The following CCDC171 variants were observed in gnomAD, a reference collection of about 807,000 sequenced individuals.
CCDC171 encodes the protein coiled-coil domain-containing protein 171.
CCDC171 carries 177 observed loss-of-function variants against 168.2 expected under a neutral mutation model. The ratio of observed to expected loss-of-function variants is 1.05; its 90% CI spans 0.93 to 1.19. The LOEUF (loss-of-function observed/expected upper bound fraction) is 1.19. CCDC171 is among the 50% of genes most tolerant of loss of function. CCDC171 has a pLI of 0.00. For synonymous variants in CCDC171, 687 were observed against 540.8 expected (o/e 1.27, Z -3.75); for missense variants, 1,991 against 1,539.0 (o/e 1.29, Z -4.91).
chr9:15,630,630 T>C (rs1247403889), intron 7 of CCDC171, among the ~76,000 whole-genome samples: 3 of 152,068 alleles, frequency 2.0e-5, no homozygotes, highest in Admixed American at 6.6e-5. Flanking sequence ...GACAGAAAGT[T>C]AACAAGGATA....
At chr9:15,570,377 C>CA (rs1389131832) in intron 2 of CCDC171, among the ~76,000 whole-genome samples, 1 of 151,248 alleles carries the variant, frequency 6.6e-6, no homozygotes, top group Non-Finnish European at 1.5e-5. Flanking sequence ...TTTTAGTAGA[C>CA]AATGTTAGTT....
chr9:15,707,205 T>G (rs2052312310), intron 11 of CCDC171, among the ~76,000 whole-genome samples: 2 of 152,176 alleles, frequency 1.3e-5, no homozygotes, highest in South Asian at 4.1e-4. Flanking sequence ...CAAACCAAAC[T>G]TGCCGCACTT....
At chr9:15,918,518 C>T (rs1313716271) in intron 24 of CCDC171, among the ~76,000 whole-genome samples, 3 of 151,078 alleles carry the variant, frequency 2.0e-5, no homozygotes, top group African/African-American at 4.9e-5. Context: ...AGAGACTTGA[C>T]ATAGGAAAAA....
chr9:15,834,044 A>G (rs1165515182), intron 21 of CCDC171, among the ~76,000 whole-genome samples: 1 of 152,188 alleles, frequency 6.6e-6, no homozygotes, highest in Non-Finnish European at 1.5e-5. Flanking sequence ...AAGGTTAACT[A>G]TGAAAATACT....
chr9:15,870,094 G>A (rs1321230031), intron 23 of CCDC171, among the ~76,000 whole-genome samples: 2 of 146,658 alleles, frequency 1.4e-5, no homozygotes, highest in Non-Finnish European at 3.0e-5. Flanking sequence ...GTAAATGAAT[G>A]GGTATAACTC....
chr9:15,632,371 C>A (rs917139540), intron 7 of CCDC171, among the ~76,000 whole-genome samples: 16 of 151,874 alleles, frequency 1.1e-4, no homozygotes, highest in South Asian at 2.1e-4. Flanking sequence ...TTCTTATACA[C>A]CAATAACAGA....
chr9:15,656,022 T>C (rs1275831634), intron 7 of CCDC171, among the ~76,000 whole-genome samples: 1 of 152,150 alleles, frequency 6.6e-6, no homozygotes, highest in Non-Finnish European at 1.5e-5. Context: ...TGTGGCAGTT[T>C]CATAATATTC....
intron 11 of CCDC171, among the ~76,000 whole-genome samples, chr9:15,710,116 T>C (rs1202469162): frequency 6.6e-6 from 1 of 152,140 alleles, no homozygotes; most frequent in Non-Finnish European, 1.5e-5. Context: ...ATGAAGTCTT[T>C]TAAAAATATA....
At chr9:15,739,918 T>C (rs1342996321) in intron 16 of CCDC171, among the ~76,000 whole-genome samples, 1 of 152,072 alleles carries the variant, frequency 6.6e-6, no homozygotes, top group Non-Finnish European at 1.5e-5. Flanking sequence ...TTTGTATTTT[T>C]AGTAGAGATG....
At chr9:15,665,410 T>C (rs920806471) in intron 8 of CCDC171, among the ~76,000 whole-genome samples, 2 of 152,236 alleles carry the variant, frequency 1.3e-5, no homozygotes, top group Non-Finnish European at 2.9e-5. Context: ...TAAAAAGATC[T>C]GTTAAATTTC....
intron 16 of CCDC171, among the ~76,000 whole-genome samples, chr9:15,731,966 A>G (rs2054178853): frequency 6.6e-6 from 1 of 152,038 alleles, no homozygotes. Context: ...CACCTTTCAT[A>G]TACTTATTGG....
chr9:15,768,798 A>T (rs1459032825), intron 18 of CCDC171, among the ~76,000 whole-genome samples: 1 of 152,152 alleles, frequency 6.6e-6, no homozygotes, highest in African/African-American at 2.4e-5. Flanking sequence ...ATATCATTTC[A>T]TGGGGTTATA....
intron 21 of CCDC171, among the ~76,000 whole-genome samples, chr9:15,831,722 G>A (rs1298259962): frequency 1.3e-5 from 2 of 152,036 alleles, no homozygotes; most frequent in East Asian, 3.9e-4. Context: ...ATTAAATTCA[G>A]ACTCCTGACA....
chr9:16,048,710 C>G (rs1413820080), intron 1 of CCDC171, among the ~76,000 whole-genome samples: 1 of 151,244 alleles, frequency 6.6e-6, no homozygotes, highest in East Asian at 1.9e-4. Context: ...AGGCAGAACA[C>G]CCGGCTTTAA....
At chr9:15,918,088 G>A (rs762301056) in intron 24 of CCDC171, among the ~76,000 whole-genome samples, 5 of 151,584 alleles carry the variant, frequency 3.3e-5, no homozygotes, top group Non-Finnish European at 7.4e-5. Flanking sequence ...ACTTGGATTT[G>A]TATCCTGACC....
At chr9:15,683,502 A>G (rs1337658119) in intron 10 of CCDC171, among the ~76,000 whole-genome samples, 6 of 152,104 alleles carry the variant, frequency 3.9e-5, no homozygotes, top group Non-Finnish European at 5.9e-5. Flanking sequence ...TTCACCAAGA[A>G]TAGGAGTAGT....
chr9:15,878,475 A>T (rs1462537692), intron 24 of CCDC171, among the ~76,000 whole-genome samples: 2 of 152,340 alleles, frequency 1.3e-5, no homozygotes, highest in Middle Eastern at 3.4e-3. Flanking sequence ...AAGTCAAAAA[A>T]TAACAGATGC....
the CCDC171 span, among the ~76,000 whole-genome samples, chr9:16,088,324 G>T: frequency 1.6e-3 from 241 of 152,278 alleles, no homozygotes; most frequent in African/African-American, 5.7e-3. Context: ...AGACAAGGAT[G>T]CCCTCTCACC....
Position 15,575,851 on chromosome 9 carries a change from G to T in CCDC171, c.178-2998G>T, listed in dbSNP as rs527744038. On this transcript the variant is annotated intron_variant, in intron 3 of 25. Coordinates refer to ENST00000380701, the MANE Select transcript of CCDC171 (RefSeq NM_173550.4). Reference sequence around the variant, plus strand: ...TCACGCCTGTAATCCCAGCACTTTAGGAGGCTGAGGTGGGCAAATCACTTG... The same window carrying T: ...TCACGCCTGTAATCCCAGCACTTTATGAGGCTGAGGTGGGCAAATCACTTG... 3.3e-5 allele frequency among the ~76,000 whole-genome samples: 5 copies of T among 152,294 alleles called. No individual in the cohort carries two copies. The East Asian group carries it at 9.7e-4, about 29-fold the overall frequency.
Sources: allele counts gnomAD v4.1 joint callset (sites outside exome capture counted in the v4.1 genomes callset), GRCh38; gene constraint gnomAD v4.1.1; transcripts MANE v1.5; gene names NCBI Gene and HGNC (gene_info 2026-07-23, HGNC 2026-07-21).